GRB10: variants seen among roughly 807,000 people sequenced by gnomAD.
GRB10 encodes growth factor receptor-bound protein 10.
A neutral mutation model predicts 80.9 loss-of-function variants in GRB10; 20 were observed. The ratio of observed to expected loss-of-function variants is 0.25; its 90% CI spans 0.17 to 0.36. The LOEUF is 0.36. Ranked by LOEUF, GRB10 falls within the 10% of genes least tolerant of loss-of-function variation. The pLI, the probability that GRB10 is intolerant of heterozygous loss-of-function variation, is 1.00. For synonymous variants in GRB10, 291 were observed against 291.5 expected (o/e 1.00, Z 0.02); for missense variants, 548 against 747.7 (o/e 0.73, Z 3.12).
chr7:50,604,323 T>C lies in GRB10; in HGVS notation c.1444A>G (p.Thr482Ala), dbSNP rs1338829949. The change falls in exon 16 of 19, where the codon ACC (threonine) becomes GCC (alanine). Residue 482 changes from threonine to alanine, a missense_variant. Thr to Ala is a moderately conservative substitution (Grantham distance 58). Coordinates refer to ENST00000401949, the MANE Select transcript of GRB10 (RefSeq NM_001350814.2). ...LGSQSPLHPSTLSTVIHRTQH... is the reference protein window; with the variant it reads ...LGSQSPLHPSALSTVIHRTQH... ...GTGCCCTGTTTACCTGTACTTAGGGTAGAAGGGTGGAGGGGACTTTGGCTA... is the reference window on the plus strand; with the variant it reads ...GTGCCCTGTTTACCTGTACTTAGGGCAGAAGGGTGGAGGGGACTTTGGCTA... 1.9e-6 allele frequency: 3 copies of C among 1,613,156 alleles called. No homozygotes were observed. Among genetic ancestry groups the C allele is most frequent in the Admixed American group, 1.7e-5 (1 of 60,010 alleles).
At chr7:50,785,584 C>T (rs1311951224), upstream of GRB10, among the ~76,000 whole-genome samples, 4 of 152,236 alleles carry the variant, frequency 2.6e-5, 1 homozygote, top group African/African-American at 9.6e-5. Flanking sequence ...GAGCTCGTGA[C>T]ACAAGCCAGC....
chr7:50,738,076 T>C (rs1002318375), intron 3 of GRB10, among the ~76,000 whole-genome samples: 1 of 152,170 alleles, frequency 6.6e-6, no homozygotes, highest in African/African-American at 2.4e-5. Context: ...AGATACCACC[T>C]GACACTCATT....
At chr7:50,743,559 C>A (rs1052685424) in intron 3 of GRB10, among the ~76,000 whole-genome samples, 6 of 152,272 alleles carry the variant, frequency 3.9e-5, no homozygotes, top group Admixed American at 6.5e-5. Flanking sequence ...CCCACTCAAC[C>A]GATGAGAAAG....
chr7:50,613,993 G>A (rs1015241356), intron 12 of GRB10, among the ~76,000 whole-genome samples: 1 of 152,182 alleles, frequency 6.6e-6, no homozygotes, highest in African/African-American at 2.4e-5. Context: ...ACAAGGGGCT[G>A]TGAAGATTAA....
chr7:50,790,573 T>C (rs1462250206), intron 1 of GRB10, among the ~76,000 whole-genome samples: 2 of 152,246 alleles, frequency 1.3e-5, no homozygotes, highest in Non-Finnish European at 2.9e-5. Flanking sequence ...AGGCTTCCCC[T>C]CCAGGGAGCA....
At chr7:50,769,116 C>T (rs2076698094) in intron 2 of GRB10, among the ~76,000 whole-genome samples, 1 of 152,202 alleles carries the variant, frequency 6.6e-6, no homozygotes, top group Non-Finnish European at 1.5e-5. Context: ...CATGATGAGG[C>T]TGTGTTCTAA....
chr7:50,658,116 G>A (rs1485600168), intron 7 of GRB10, among the ~76,000 whole-genome samples: 1 of 152,136 alleles, frequency 6.6e-6, no homozygotes, highest in Admixed American at 6.5e-5. Context: ...TCCTAAACTG[G>A]GTGGACCTGC....
chr7:50,742,378 G>A (rs2072033300), intron 3 of GRB10, among the ~76,000 whole-genome samples: 1 of 152,160 alleles, frequency 6.6e-6, no homozygotes, highest in East Asian at 1.9e-4. Context: ...AAGGCCAAGG[G>A]CTGGTGATGG....
intron 4 of GRB10, among the ~76,000 whole-genome samples, chr7:50,710,048 C>G (rs1288486018): frequency 6.6e-6 from 1 of 152,120 alleles, no homozygotes; most frequent in Admixed American, 6.5e-5. Context: ...ATCCACCATG[C>G]ACACCCCATC....
At chr7:50,709,999 C>T (rs771222597) in intron 4 of GRB10, among the ~76,000 whole-genome samples, 6 of 152,134 alleles carry the variant, frequency 3.9e-5, no homozygotes, top group Non-Finnish European at 8.8e-5. Context: ...TCACAGCACT[C>T]GGCCCTGGGT....
intron 12 of GRB10, among the ~76,000 whole-genome samples, chr7:50,613,963 T>C (rs2050053690): frequency 6.6e-6 from 1 of 152,166 alleles, no homozygotes; most frequent in African/African-American, 2.4e-5. Flanking sequence ...ATGTGGGCAA[T>C]GTGGCCAACT....
intron 7 of GRB10, among the ~76,000 whole-genome samples, chr7:50,636,228 C>T (rs2153601649): frequency 6.6e-6 from 1 of 152,252 alleles, no homozygotes; most frequent in South Asian, 2.1e-4. Flanking sequence ...ATCCACCCAC[C>T]TCAGCCTCCC....
rs75820503 is a variant in GRB10, at chr7:50,722,357, G to A, written c.51+9915C>T. 1.2e-4 allele frequency among the ~76,000 whole-genome samples: 18 copies of A among 152,294 alleles called. No homozygotes were observed. The East Asian group carries it at 3.1e-3, about 26-fold the overall frequency. ...CCCTGGAAGGCCCCAGGGTAACCCC[G>A]CCTGGCACCAAAGAAGTGTCAGGGC... is the stretch of plus-strand genomic sequence containing the variant. On this transcript the variant is annotated intron_variant, in intron 4 of 18. Transcript: ENST00000401949.
chr7:50,595,788 A>AGG, intron 17 of GRB10: 1 of 447,076 alleles, frequency 2.2e-6, no homozygotes, highest in South Asian at 2.2e-5. Flanking sequence ...GCCTGACTAC[A>AGG]GGGTTAGGGC....
intron 4 of GRB10, chr7:50,725,971 TG>T (rs2068577187): frequency 6.6e-6 from 1 of 152,222 alleles, no homozygotes. Context: ...GCCTGATCCC[TG>T]ATCTATCCCA....
At chr7:50,680,178 C>T (rs1437937822) in intron 5 of GRB10, among the ~76,000 whole-genome samples, 1 of 152,202 alleles carries the variant, frequency 6.6e-6, no homozygotes, top group East Asian at 1.9e-4. Context: ...TTCACGGGTT[C>T]CTACACACAG....
chr7:50,669,378 G>C (rs1004717679), intron 7 of GRB10, among the ~76,000 whole-genome samples: 1 of 152,130 alleles, frequency 6.6e-6, no homozygotes, highest in African/African-American at 2.4e-5. Flanking sequence ...GGGAGCAAGG[G>C]GAGGAGATGA....
At chr7:50,789,532 C>G (rs1028369861) in intron 1 of GRB10, among the ~76,000 whole-genome samples, 2 of 152,094 alleles carry the variant, frequency 1.3e-5, no homozygotes, top group African/African-American at 4.8e-5. Flanking sequence ...TGCCTGCTGC[C>G]CTGGTCAAAT....
In GRB10 at chr7:50,711,797, T is replaced by C. The variant is rs192942269; in HGVS notation, c.52-7889A>G. Among the ~76,000 whole-genome samples the C allele has an allele frequency of 2.0e-5, 3 of 152,292 alleles. No homozygotes were observed. In the East Asian group the frequency reaches 5.8e-4, roughly 29 times the overall value. Reference sequence around the variant, plus strand: ...CTTTTATTAAATATTAATGTAAAAATGGCAGGGTTTCTACTAATATTATAG... The same window carrying C: ...CTTTTATTAAATATTAATGTAAAAACGGCAGGGTTTCTACTAATATTATAG... On this transcript the variant is annotated intron_variant, in intron 4 of 18. Coordinates refer to ENST00000401949, the MANE Select transcript of GRB10 (RefSeq NM_001350814.2).
Sources: gnomAD v4.1 joint callset for allele counts (sites outside exome capture counted in the v4.1 genomes callset) on GRCh38, gnomAD v4.1.1 for gene constraint, MANE v1.5 for transcripts, NCBI Gene and HGNC (gene_info 2026-07-23, HGNC 2026-07-21) for gene names.